Variants in NECAB2 observed in about 807,000 individuals in gnomAD.
NECAB2 encodes the protein N-terminal EF-hand calcium binding protein 2.
NECAB2 carries 68 observed loss-of-function variants against 51.9 expected under a neutral mutation model. The observed-to-expected ratio is 1.31, with a 90% CI of 1.08 to 1.60. NECAB2 has a LOEUF of 1.60. Among genes scored for constraint, NECAB2 ranks in the 40% most tolerant of loss-of-function variants. NECAB2 has a pLI of 0.00. For synonymous variants in NECAB2, 329 were observed against 203.5 expected (o/e 1.62, Z -5.25); for missense variants, 854 against 490.3 (o/e 1.74, Z -7.00).
At chr16:83,968,961 G>C (rs1273929603) in intron 1 of NECAB2, 112 bp downstream of exon 1, 1 of 625,296 alleles carries the variant, frequency 1.6e-6, no homozygotes, top group Non-Finnish European at 2.0e-6. Flanking sequence ...CCCTACCCGG[G>C]CAGGAGACCC....
At chr16:83,998,447 C>A (rs778504738) in intron 10 of NECAB2, 130 bp downstream of exon 10, 3 of 836,678 alleles carry the variant, frequency 3.6e-6, no homozygotes, top group East Asian at 2.7e-5. Flanking sequence ...CAGCTGGATG[C>A]GTAAGAAGTG....
At chr16:83,996,520 G>C (rs1016545244) in intron 8 of NECAB2, among the ~76,000 whole-genome samples, 7 of 152,184 alleles carry the variant, frequency 4.6e-5, no homozygotes, top group African/African-American at 1.7e-4. Context: ...TCCTCATGGA[G>C]GATGGACAGA....
intron 2 of NECAB2, among the ~76,000 whole-genome samples, chr16:83,977,520 GA>G (rs2084427680): frequency 6.6e-6 from 1 of 152,100 alleles, no homozygotes. Context: ...CAAGTGAAGG[GA>G]AAAGGTGAGG....
At chr16:83,998,138 C>A in intron 9 of NECAB2, 67 bp from the exon 10 acceptor site, 1 of 1,408,704 alleles carries the variant, frequency 7.1e-7, no homozygotes, top group Non-Finnish European at 9.8e-7. Context: ...GTCATGGGGG[C>A]CTGATGGGGT....
At chr16:83,976,558 A>T (rs548380422) in intron 2 of NECAB2, among the ~76,000 whole-genome samples, 1 of 152,122 alleles carries the variant, frequency 6.6e-6, no homozygotes, top group African/African-American at 2.4e-5. Flanking sequence ...GATTTCACTT[A>T]TCTCGTGGCT....
Position 84,001,992 on chromosome 16 carries a change from T to C in NECAB2, c.1132+76T>C, listed in dbSNP as rs1261326742. Reference sequence around the variant, plus strand: ...GCAAGAGCCTAGAGGCTGCCCCATATCTCCCGGGGACTTGCCTGCTTGCTG... The same window carrying C: ...GCAAGAGCCTAGAGGCTGCCCCATACCTCCCGGGGACTTGCCTGCTTGCTG... On this transcript the variant is annotated intron_variant, in intron 12 of 12. Transcript: ENST00000305202. 2.0e-6 allele frequency: 3 copies of C among 1,482,712 alleles called. No individual in the cohort carries two copies. In the African/African-American group the frequency reaches 4.3e-5, roughly 21 times the overall value. The allele number at this position is 1,482,712 out of a possible 1,614,324, so 91.8% of individuals were successfully genotyped here. A position where few individuals can be genotyped will look rare whatever the true frequency, so the allele number is the denominator to read the frequency against.
chr16:84,000,981 T>TG (rs199888544), intron 11 of NECAB2, among the ~76,000 whole-genome samples, 180 bp downstream of exon 11: 1 of 151,652 alleles, frequency 6.6e-6, no homozygotes, highest in African/African-American at 2.4e-5. Flanking sequence ...GAGCTCTTGG[T>TG]GGGTAGTGAG....
chr16:83,975,026 G>A (rs1037971736), intron 2 of NECAB2, among the ~76,000 whole-genome samples: 6 of 140,158 alleles, frequency 4.3e-5, no homozygotes, highest in Non-Finnish European at 7.9e-5. Flanking sequence ...ATGAGAGCAG[G>A]TGTGCAGGGA....
intron 2 of NECAB2, among the ~76,000 whole-genome samples, chr16:83,973,382 C>T (rs2084369861): frequency 6.6e-6 from 1 of 152,164 alleles, no homozygotes; most frequent in African/African-American, 2.4e-5. Flanking sequence ...GTGCACAGGC[C>T]TGGGCTGGAA....
intron 2 of NECAB2, among the ~76,000 whole-genome samples, chr16:83,973,825 C>T (rs1401312900): frequency 2.0e-5 from 3 of 151,652 alleles, no homozygotes; most frequent in East Asian, 1.9e-4. Flanking sequence ...CAGCGTGAGG[C>T]TGTTGGGAAT....
chr16:83,966,312 A>C, upstream of NECAB2: 1 of 437,646 alleles, frequency 2.3e-6, no homozygotes, highest in Non-Finnish European at 4.0e-6. Context: ...CAGGTCCCAA[A>C]TAAAGCCAGT....
At chr16:84,002,171 G>A (rs535046745) in intron 12 of NECAB2, 147 bp from the exon 13 acceptor site, 132 of 1,101,964 alleles carry the variant, frequency 1.2e-4, no homozygotes, top group Middle Eastern at 8.7e-4. Flanking sequence ...CCAGGTGTGT[G>A]GTTTGCACCT....
intron 10 of NECAB2, 25 bp from the exon 11 acceptor site, chr16:84,000,699 T>C: frequency 1.9e-6 from 3 of 1,611,840 alleles, no homozygotes; most frequent in Non-Finnish European, 2.5e-6. Flanking sequence ...TCCAGCCTCC[T>C]CCCCCCGACC....
intron 2 of NECAB2, among the ~76,000 whole-genome samples, chr16:83,975,921 T>C (rs541361293): frequency 2.4e-4 from 37 of 152,228 alleles, no homozygotes; most frequent in Non-Finnish European, 4.3e-4. Context: ...TTTTCCTCAT[T>C]AGTGAATTCA....
chr16:83,995,533 C>G (rs543280602), intron 8 of NECAB2, among the ~76,000 whole-genome samples: 1 of 152,296 alleles, frequency 6.6e-6, no homozygotes, highest in East Asian at 1.9e-4. Context: ...ATGAGGCATT[C>G]TGTTACCCAA....
At chr16:83,975,514 A>AC (rs572973661) in intron 2 of NECAB2, among the ~76,000 whole-genome samples, 45 of 152,072 alleles carry the variant, frequency 3.0e-4, no homozygotes, top group African/African-American at 1.1e-3. Context: ...AACTCAAAGG[A>AC]CCCCCCAGGC....
intron 5 of NECAB2, 91 bp downstream of exon 5, chr16:83,981,218 G>A (rs542657170): frequency 2.4e-5 from 29 of 1,200,982 alleles, no homozygotes; most frequent in Non-Finnish European, 3.3e-5. Flanking sequence ...TTTGAAGACA[G>A]GCCGCCAGGG....
rs1360539844 is a variant in NECAB2 at position 83,968,660 on chromosome 16, G to C, written c.12G>C (p.Arg4=). 1 of 982,110 alleles carries C rather than the reference G, an allele frequency of 1.0e-6. No homozygotes were observed. Among genetic ancestry groups the C allele is most frequent in the Non-Finnish European group, 1.2e-6 (1 of 829,340 alleles). The allele number at this position is 982,110 out of a possible 1,614,324, so 60.8% of individuals were successfully genotyped here. The change falls in exon 1 of 13, where the codon CGG becomes CGC. Residue 4 remains arginine (R), a synonymous_variant. Coordinates refer to ENST00000305202, the MANE Select transcript of NECAB2 (RefSeq NM_019065.3). ...GCGGGCGCGGCGCGATGTGCGAGCG[G>C]GCGGCGCGCCTGTGCAGGGCCGGCG... MCE[R]AARLCRAGAH...
At position 83,998,113 on chromosome 16, in the gene NECAB2, G is replaced by C. The variant is rs1190888584; in HGVS notation, c.850-92G>C. 95 of 1,099,614 alleles carry C rather than the reference G, an allele frequency of 8.6e-5. No homozygotes were observed. The East Asian group carries it at 2.4e-3, about 28-fold the overall frequency. 68.1% of individuals were successfully genotyped at this position (1,099,614 alleles called of 1,614,324 possible). On this transcript the variant is annotated intron_variant, in intron 9 of 12. Coordinates refer to ENST00000305202, the MANE Select transcript of NECAB2 (RefSeq NM_019065.3). ...AAGTGGGGGAGGGTTATTTTATTTT[G>C]ACCGAGGAAGGGAGGTCATGGGGGC...
Sources: gnomAD v4.1 joint callset for allele counts (sites outside exome capture counted in the v4.1 genomes callset) on GRCh38, gnomAD v4.1.1 for gene constraint, MANE v1.5 for transcripts, NCBI Gene and HGNC (gene_info 2026-07-23, HGNC 2026-07-21) for gene names.